UNC5C: variants seen among roughly 807,000 people sequenced by gnomAD.
The protein encoded by UNC5C is netrin receptor UNC5C.
UNC5C carries 47 observed loss-of-function variants against 99.8 expected under a neutral mutation model. That is an observed-to-expected ratio of 0.47 (90% CI 0.37 to 0.60). UNC5C has a LOEUF of 0.60. Ranked by LOEUF, UNC5C falls within the 20% of genes least tolerant of loss-of-function variation. The pLI is 0.00. For synonymous variants in UNC5C, 487 were observed against 452.2 expected (o/e 1.08, Z -0.98); for missense variants, 1,062 against 1,165.9 (o/e 0.91, Z 1.30).
At chr4:95,398,043 G>GTTTTTTTTT (rs1745570466) in intron 1 of UNC5C, among the ~76,000 whole-genome samples, 10 of 76,944 alleles carry the variant, frequency 1.3e-4, no homozygotes, top group East Asian at 7.8e-4. Context: ...GCCAAATGTA[G>GTTTTTTTTT]CTTTTTTTTT....
chr4:95,187,294 C>A (rs1018671429), intron 12 of UNC5C, among the ~76,000 whole-genome samples: 2 of 152,158 alleles, frequency 1.3e-5, no homozygotes, highest in African/African-American at 4.8e-5. Context: ...TCCATATGCC[C>A]TAATTACCTC....
chr4:95,187,709 A>G (rs1248412623), intron 12 of UNC5C, among the ~76,000 whole-genome samples: 1 of 152,216 alleles, frequency 6.6e-6, no homozygotes, highest in African/African-American at 2.4e-5. Flanking sequence ...ACTGGCTTGG[A>G]GGAGCCCTTT....
At chr4:95,476,707 AGTT>A (rs1193098074) in intron 1 of UNC5C, among the ~76,000 whole-genome samples, 1 of 152,088 alleles carries the variant, frequency 6.6e-6, no homozygotes, top group Non-Finnish European at 1.5e-5. Flanking sequence ...TAAAATTTAT[AGTT>A]GTTTAGTATT....
chr4:95,205,257 G>A (rs1215632374), intron 11 of UNC5C, among the ~76,000 whole-genome samples: 1 of 152,174 alleles, frequency 6.6e-6, no homozygotes, highest in Admixed American at 6.5e-5. Context: ...AGGGTAATAG[G>A]AAGAGAATCA....
At chr4:95,347,662 A>G (rs1743828118) in intron 1 of UNC5C, among the ~76,000 whole-genome samples, 1 of 152,002 alleles carries the variant, frequency 6.6e-6, no homozygotes, top group Admixed American at 6.6e-5. Context: ...TGGAAAAAGG[A>G]CAGTCTCTTA....
At chr4:95,362,985 G>A (rs1330150039) in intron 1 of UNC5C, among the ~76,000 whole-genome samples, 1 of 151,460 alleles carries the variant, frequency 6.6e-6, no homozygotes, top group Non-Finnish European at 1.5e-5. Flanking sequence ...CAGCTCTAGG[G>A]GGCGCCGTTC....
intron 7 of UNC5C, among the ~76,000 whole-genome samples, chr4:95,236,029 T>C (rs571761960): frequency 4.6e-5 from 7 of 152,328 alleles, no homozygotes; most frequent in African/African-American, 1.7e-4. Context: ...AGTGTGGCGA[T>C]TCCTCAGGGA....
chr4:95,205,159 A>G (rs992041713), intron 11 of UNC5C, among the ~76,000 whole-genome samples: 39 of 152,204 alleles, frequency 2.6e-4, no homozygotes, highest in African/African-American at 8.9e-4. Flanking sequence ...GGGGGCTTTC[A>G]TGAGGACTGT....
chr4:95,499,071 A>G (rs1721704280), intron 1 of UNC5C, among the ~76,000 whole-genome samples: 1 of 152,150 alleles, frequency 6.6e-6, no homozygotes, highest in Admixed American at 6.6e-5. Context: ...TGCAGACTCA[A>G]GTAAGAAAAA....
rs115402818 is a variant in UNC5C at position 95,343,569 on chromosome 4, C to T, written c.125-7938G>A. On this transcript the variant is annotated intron_variant, in intron 1 of 15. Coordinates refer to ENST00000453304, the MANE Select transcript of UNC5C (RefSeq NM_003728.4). ...CAAGTATCAAGGCCATCCAAGAAAA[C>T]ATGACCATGCCGAGAAAATTAAATA... Among the ~76,000 whole-genome samples, 278 of 152,116 alleles carry T rather than the reference C, an allele frequency of 1.8e-3. 1 individual carries two copies. The highest frequency in any genetic ancestry group is 6.1e-3 in the African/African-American group (253 of 41,526).
At chr4:95,185,992 G>T (rs1736814426) in intron 12 of UNC5C, among the ~76,000 whole-genome samples, 1 of 152,050 alleles carries the variant, frequency 6.6e-6, no homozygotes, top group Non-Finnish European at 1.5e-5. Flanking sequence ...CATAAAGACA[G>T]ATTCTATATA....
intron 2 of UNC5C, 99 bp downstream of exon 2, chr4:95,335,311 C>A (rs2149420923): frequency 1.7e-6 from 2 of 1,146,314 alleles, no homozygotes; most frequent in South Asian, 1.8e-5. Flanking sequence ...AGAATAACTC[C>A]ATTTTCCATT....
intron 1 of UNC5C, among the ~76,000 whole-genome samples, chr4:95,337,993 G>A (rs1388498030): frequency 6.6e-6 from 1 of 151,890 alleles, no homozygotes; most frequent in South Asian, 2.1e-4. Flanking sequence ...AGGCAATATG[G>A]CATATCACTT....
At chr4:95,341,521 GAAAGAAAA>G (rs1188855727) in intron 1 of UNC5C, among the ~76,000 whole-genome samples, 3 of 140,892 alleles carry the variant, frequency 2.1e-5, no homozygotes, top group South Asian at 2.3e-4. Flanking sequence ...AAGAAAGAAA[GAAAGAAAA>G]AAAGAAAAGA....
intron 1 of UNC5C, among the ~76,000 whole-genome samples, chr4:95,426,756 T>C (rs545490762): frequency 4.7e-4 from 72 of 152,306 alleles, no homozygotes; most frequent in Non-Finnish European, 8.8e-4. Flanking sequence ...TAATCTAAAA[T>C]AAGACCCTAA....
chr4:95,456,119 C>T (rs1445216148), intron 1 of UNC5C, among the ~76,000 whole-genome samples: 1 of 151,986 alleles, frequency 6.6e-6, no homozygotes, highest in Non-Finnish European at 1.5e-5. Context: ...TGTAAAGGTA[C>T]TCCCCTCAAT....
chr4:95,214,942 C>A (rs894545142), intron 10 of UNC5C, among the ~76,000 whole-genome samples: 1 of 151,996 alleles, frequency 6.6e-6, no homozygotes, highest in Non-Finnish European at 1.5e-5. Flanking sequence ...TAAATACAAG[C>A]CTTTTAGTGA....
intron 1 of UNC5C, among the ~76,000 whole-genome samples, chr4:95,415,369 C>T (rs1481531829): frequency 6.6e-6 from 1 of 151,118 alleles, no homozygotes; most frequent in Non-Finnish European, 1.5e-5. Flanking sequence ...AAAAACAAAA[C>T]AAAACCCTAC....
chr4:95,499,172 T>A (rs1273666472), intron 1 of UNC5C, among the ~76,000 whole-genome samples: 3 of 152,086 alleles, frequency 2.0e-5, no homozygotes, highest in Non-Finnish European at 4.4e-5. Context: ...AAGGTTGGAA[T>A]CTGGTTATTC....
Sources: gnomAD v4.1 joint callset for allele counts (sites outside exome capture counted in the v4.1 genomes callset) on GRCh38, gnomAD v4.1.1 for gene constraint, MANE v1.5 for transcripts, NCBI Gene and HGNC (gene_info 2026-07-23, HGNC 2026-07-21) for gene names.